The following AGBL4 variants were observed in gnomAD, a reference collection of about 807,000 sequenced individuals.
AGBL4 encodes the protein AGBL carboxypeptidase 4, also known as cytosolic carboxypeptidase 6.
A neutral mutation model predicts 66.4 loss-of-function variants in AGBL4; 58 were observed. The ratio of observed to expected loss-of-function variants is 0.87; its 90% CI spans 0.71 to 1.09. The LOEUF is 1.09. Ranked by LOEUF, AGBL4 falls within the 50% of genes least tolerant of loss-of-function variation. AGBL4 has a pLI of 0.00. For missense variants in AGBL4, 579 were observed against 631.0 expected (o/e 0.92, Z 0.88); for synonymous variants, 234 against 222.9 (o/e 1.05, Z -0.44).
intron 5 of AGBL4, among the ~76,000 whole-genome samples, chr1:48,957,823 C>T (rs868607517): frequency 1.3e-5 from 2 of 152,150 alleles, no homozygotes; most frequent in Non-Finnish European, 2.9e-5. Context: ...GATGATCAAT[C>T]AATCAATTAA....
At chr1:49,185,085 T>C (rs1262571594) in intron 4 of AGBL4, among the ~76,000 whole-genome samples, 1 of 152,190 alleles carries the variant, frequency 6.6e-6, no homozygotes, top group East Asian at 1.9e-4. Flanking sequence ...AGGAATTCTA[T>C]ATGTTTTGCT....
chr1:49,897,872 G>T (rs1571828914), intron 1 of AGBL4, among the ~76,000 whole-genome samples: 2 of 151,794 alleles, frequency 1.3e-5, no homozygotes, highest in Admixed American at 6.6e-5. Context: ...ATTAGGGAAA[G>T]GACAGTCTGT....
At chr1:49,998,340 G>A (rs1038064587) in intron 1 of AGBL4, among the ~76,000 whole-genome samples, 3 of 152,034 alleles carry the variant, frequency 2.0e-5, no homozygotes, top group African/African-American at 4.8e-5. Flanking sequence ...ACCTGGAGGA[G>A]ATGGATAAAT....
At chr1:49,728,326 A>G (rs946603997) in intron 2 of AGBL4, among the ~76,000 whole-genome samples, 8 of 152,190 alleles carry the variant, frequency 5.3e-5, no homozygotes, top group African/African-American at 1.2e-4. Context: ...TAAACTACAC[A>G]CTGTGTTTCT....
chr1:49,948,329 CAT>C (rs1179765815), intron 1 of AGBL4, among the ~76,000 whole-genome samples: 40 of 75,296 alleles, frequency 5.3e-4, no homozygotes, highest in African/African-American at 1.7e-3. Flanking sequence ...AATATATAAA[CAT>C]ATATAAATAT....
chr1:49,312,939 T>C (rs754833784), intron 3 of AGBL4, among the ~76,000 whole-genome samples: 19 of 152,092 alleles, frequency 1.2e-4, no homozygotes, highest in Non-Finnish European at 2.2e-4. Context: ...GATTGTTACA[T>C]AGGTATACAC....
rs530378717 is a variant in AGBL4, at chr1:49,587,349, T to C, written c.282+109964A>G. On this transcript the variant is annotated intron_variant, in intron 3 of 13. Coordinates refer to ENST00000371839, the MANE Select transcript of AGBL4 (RefSeq NM_032785.4). ...AGAAAAAAGAAAAGAAAAGAAATAATCTACTTTGAGTACCTAGCCCACCTA... is the reference window on the plus strand; with the variant it reads ...AGAAAAAAGAAAAGAAAAGAAATAACCTACTTTGAGTACCTAGCCCACCTA... Among the ~76,000 whole-genome samples the C allele has an allele frequency of 3.3e-5, 5 of 151,996 alleles. No homozygotes were observed. In the South Asian group the frequency reaches 1.0e-3, roughly 32 times the overall value.
At chr1:48,944,129 A>G (rs1656249529) in intron 5 of AGBL4, among the ~76,000 whole-genome samples, 1 of 152,164 alleles carries the variant, frequency 6.6e-6, no homozygotes, top group South Asian at 2.1e-4. Context: ...GGCATGTAGA[A>G]ATAGTCAAGG....
At chr1:48,671,160 C>A (rs1646270596) in intron 6 of AGBL4, among the ~76,000 whole-genome samples, 1 of 152,244 alleles carries the variant, frequency 6.6e-6, no homozygotes, top group South Asian at 2.1e-4. Context: ...ACTGAGGACT[C>A]AATCCTGAAG....
intron 5 of AGBL4, among the ~76,000 whole-genome samples, chr1:48,915,479 C>T (rs1320195382): frequency 1.3e-5 from 2 of 152,190 alleles, no homozygotes; most frequent in African/African-American, 4.8e-5. Context: ...TCTCCCATCT[C>T]CAGCCTGTGC....
At chr1:48,991,797 A>G (rs1490538006) in intron 5 of AGBL4, among the ~76,000 whole-genome samples, 3 of 151,962 alleles carry the variant, frequency 2.0e-5, no homozygotes, top group Non-Finnish European at 2.9e-5. Context: ...TAGTATGTTA[A>G]TTGTATTTTT....
intron 3 of AGBL4, among the ~76,000 whole-genome samples, chr1:49,595,190 G>A (rs949538747): frequency 9.9e-5 from 15 of 152,180 alleles, no homozygotes; most frequent in East Asian, 1.9e-4. Flanking sequence ...CCGGGTTCAC[G>A]CCATTCTCCT....
intron 4 of AGBL4, among the ~76,000 whole-genome samples, chr1:49,209,950 T>C (rs1162031600): frequency 6.6e-6 from 1 of 152,108 alleles, no homozygotes; most frequent in African/African-American, 2.4e-5. Flanking sequence ...CACTGCTATA[T>C]ACATCTCCAG....
At chr1:48,667,449 G>A (rs1055839954) in intron 6 of AGBL4, among the ~76,000 whole-genome samples, 2 of 152,196 alleles carry the variant, frequency 1.3e-5, no homozygotes, top group Admixed American at 6.5e-5. Context: ...TTTGGAAGAG[G>A]ATCCTGCAGT....
chr1:49,366,431 C>T (rs1479036259), intron 3 of AGBL4, among the ~76,000 whole-genome samples: 5 of 152,210 alleles, frequency 3.3e-5, no homozygotes, highest in African/African-American at 1.2e-4. Context: ...TCCATTTTGG[C>T]AGATCAAGTA....
At chr1:49,548,144 A>T (rs1048548119) in intron 3 of AGBL4, among the ~76,000 whole-genome samples, 1 of 152,134 alleles carries the variant, frequency 6.6e-6, no homozygotes, top group African/African-American at 2.4e-5. Context: ...ATTTGTGTAC[A>T]CTAGTCTTGT....
intron 3 of AGBL4, among the ~76,000 whole-genome samples, chr1:49,562,747 C>T (rs968802748): frequency 2.1e-4 from 32 of 152,104 alleles, no homozygotes; most frequent in Non-Finnish European, 3.4e-4. Context: ...TAGCGTGATG[C>T]CTCCAGCTTT....
intron 6 of AGBL4, among the ~76,000 whole-genome samples, chr1:48,809,614 G>A (rs1646004982): frequency 6.6e-6 from 1 of 152,164 alleles, no homozygotes; most frequent in Admixed American, 6.5e-5. Flanking sequence ...TGCCTTAACA[G>A]GTAGAGGAAT....
At chr1:49,223,502 CT>C (rs1649660112) in intron 4 of AGBL4, among the ~76,000 whole-genome samples, 1 of 152,156 alleles carries the variant, frequency 6.6e-6, no homozygotes, top group African/African-American at 2.4e-5. Context: ...TTCTTTGATG[CT>C]TTCTTTTGTG....
Sources: gnomAD v4.1 joint callset for allele counts (sites outside exome capture counted in the v4.1 genomes callset) on GRCh38, gnomAD v4.1.1 for gene constraint, MANE v1.5 for transcripts, NCBI Gene and HGNC (gene_info 2026-07-23, HGNC 2026-07-21) for gene names.